CACNA2D1: variants seen among roughly 807,000 people sequenced by gnomAD.
CACNA2D1 encodes voltage-dependent calcium channel subunit alpha-2/delta-1.
CACNA2D1 carries 53 observed loss-of-function variants against 171.5 expected under a neutral mutation model. That is an observed-to-expected ratio of 0.31 (90% CI 0.25 to 0.39). CACNA2D1 has a LOEUF of 0.39. Among genes scored for constraint, CACNA2D1 ranks in the 10% least tolerant of loss-of-function variants. The pLI is 1.00. For synonymous variants in CACNA2D1, 442 were observed against 443.1 expected, an observed-to-expected ratio of 1.00 and a Z score of 0.03; for missense variants, 903 against 1,299.8, an observed-to-expected ratio of 0.69 and a Z score of 4.69.
At chr7:82,261,716 A>G (rs1484425792) in intron 3 of CACNA2D1, among the ~76,000 whole-genome samples, 1 of 152,082 alleles carries the variant, frequency 6.6e-6, no homozygotes, top group Non-Finnish European at 1.5e-5. Context: ...AAAAATTTGG[A>G]ATTTTTTTTT....
At chr7:82,240,356 T>C (rs1370225286) in intron 3 of CACNA2D1, among the ~76,000 whole-genome samples, 1 of 152,220 alleles carries the variant, frequency 6.6e-6, no homozygotes, top group Admixed American at 6.5e-5. Context: ...TTCTCCATTC[T>C]GCCATCATAG....
At chr7:82,176,680 A>G (rs918097433) in intron 3 of CACNA2D1, among the ~76,000 whole-genome samples, 11 of 151,746 alleles carry the variant, frequency 7.2e-5, no homozygotes, top group African/African-American at 2.4e-4. Flanking sequence ...AAATACCCTG[A>G]CTAGGGGGAA....
At chr7:82,116,007 A>G (rs992291485) in intron 6 of CACNA2D1, among the ~76,000 whole-genome samples, 10 of 152,222 alleles carry the variant, frequency 6.6e-5, no homozygotes, top group African/African-American at 2.4e-4. Flanking sequence ...TAAAATTTAA[A>G]TTTGGACACA....
chr7:81,975,467 G>A (rs901104721), intron 24 of CACNA2D1, among the ~76,000 whole-genome samples: 1 of 152,096 alleles, frequency 6.6e-6, no homozygotes, highest in Non-Finnish European at 1.5e-5. Context: ...CAGAAAATTT[G>A]TCCTCACAGA....
chr7:82,021,764 C>T (rs537055225), intron 12 of CACNA2D1, among the ~76,000 whole-genome samples: 57 of 151,920 alleles, frequency 3.8e-4, no homozygotes, highest in African/African-American at 1.3e-3. Flanking sequence ...AAAGAGGGTG[C>T]TGAAATAGAG....
At chr7:82,146,015 C>A (rs11976311) in intron 4 of CACNA2D1, among the ~76,000 whole-genome samples, 1 of 151,836 alleles carries the variant, frequency 6.6e-6, no homozygotes, top group Admixed American at 6.6e-5. Flanking sequence ...TTTTAGTCTG[C>A]TTATTTTTTC....
At chr7:82,433,049 G>A (rs1358534356) in intron 1 of CACNA2D1, among the ~76,000 whole-genome samples, 2 of 152,086 alleles carry the variant, frequency 1.3e-5, no homozygotes. Context: ...TTAGCCGGGT[G>A]TGGTGGCGTG....
intron 10 of CACNA2D1, among the ~76,000 whole-genome samples, chr7:82,038,447 T>A (rs1363868436): frequency 6.6e-6 from 1 of 152,190 alleles, no homozygotes; most frequent in African/African-American, 2.4e-5. Context: ...GTCTGCTGCT[T>A]ATATTCCCGA....
At chr7:82,411,401 A>T (rs1305331864) in intron 1 of CACNA2D1, among the ~76,000 whole-genome samples, 1 of 152,206 alleles carries the variant, frequency 6.6e-6, no homozygotes, top group Non-Finnish European at 1.5e-5. Flanking sequence ...TCCCTGTTTT[A>T]TAGAATTGAG....
At position 82,213,390 on chromosome 7, in the gene CACNA2D1, G is replaced by A. The variant is rs190114443; in HGVS notation, c.295-42781C>T. Among the ~76,000 whole-genome samples, 1,429 of 152,240 alleles carry A rather than the reference G, an allele frequency of 9.4e-3. 14 individuals carry two copies. Among genetic ancestry groups the A allele is most frequent in the Non-Finnish European group, 0.011 (740 of 68,016 alleles). ...ATCCCTTGGGTATATTCTTAAGGCT[G>A]ATATATCTAAGGTCAGACAAGGTCA... On this transcript the variant is annotated intron_variant, in intron 3 of 38. Transcript: ENST00000356860.
In CACNA2D1 at chr7:81,950,392, T is replaced by A; in HGVS notation, c.3276A>T (p.Ter1092CysextTer25). The A allele has an allele frequency of 6.2e-7, 1 of 1,613,144 alleles. No homozygotes were observed. The highest frequency in any genetic ancestry group is 8.5e-7 in the Non-Finnish European group (1 of 1,179,472). The change falls in exon 39 of 39, where the codon TGA becomes TGT. Residue 1092 changes from the stop codon to cysteine (C), a stop_lost. Coordinates refer to ENST00000356860, the MANE Select transcript of CACNA2D1 (RefSeq NM_000722.4). Reference protein sequence around the residue: ...LVSGSTHRLL* With the variant: ...LVSGSTHRLLC ...CTATGCAGATTTGGTTTTTAGAAGG[T>A]CATAACAGGCGGTGTGTGCTGCCAG... is the stretch of plus-strand genomic sequence containing the variant.
chr7:82,050,234 C>A (rs1035937062), intron 10 of CACNA2D1: 2 of 225,790 alleles, frequency 8.9e-6, no homozygotes, highest in African/African-American at 2.3e-5. Context: ...GTTAAACAAT[C>A]AAGTCAGGAA....
chr7:82,399,527 G>T (rs188093934), intron 1 of CACNA2D1, among the ~76,000 whole-genome samples: 1 of 151,852 alleles, frequency 6.6e-6, no homozygotes, highest in Non-Finnish European at 1.5e-5. Context: ...TAGAAAAAAA[G>T]TTCTTAACAA....
chr7:82,058,858 CAGAGAATTATATCACCTGTG>C (rs952788604), intron 10 of CACNA2D1, among the ~76,000 whole-genome samples: 19 of 152,210 alleles, frequency 1.2e-4, no homozygotes, highest in African/African-American at 4.6e-4. Context: ...GTTTATTCCC[CAGAGAATTATATCACCTGTG>C]AGAGTGTTTT....
At chr7:82,250,243 A>G (rs1440331985) in intron 3 of CACNA2D1, among the ~76,000 whole-genome samples, 1 of 152,234 alleles carries the variant, frequency 6.6e-6, no homozygotes, top group African/African-American at 2.4e-5. Flanking sequence ...TTTCAAACAT[A>G]AGAACTTTTG....
At chr7:82,066,001 T>G (rs1181275051) in intron 8 of CACNA2D1, among the ~76,000 whole-genome samples, 2 of 152,138 alleles carry the variant, frequency 1.3e-5, no homozygotes, top group Non-Finnish European at 2.9e-5. Context: ...GAGGAACAAA[T>G]AAGTCTTCAT....
At chr7:82,142,415 A>G (rs978659037) in intron 4 of CACNA2D1, among the ~76,000 whole-genome samples, 1 of 152,180 alleles carries the variant, frequency 6.6e-6, no homozygotes, top group African/African-American at 2.4e-5. Flanking sequence ...GTATATTGTG[A>G]GTGACAGCCC....
chr7:82,097,097 G>A (rs1405951881), intron 6 of CACNA2D1, among the ~76,000 whole-genome samples: 1 of 152,122 alleles, frequency 6.6e-6, no homozygotes, highest in East Asian at 1.9e-4. Context: ...AGAGGTAGTA[G>A]AAGGACCGCA....
At chr7:82,357,619 C>T (rs1820582451) in intron 1 of CACNA2D1, among the ~76,000 whole-genome samples, 1 of 149,234 alleles carries the variant, frequency 6.7e-6, no homozygotes, top group East Asian at 2.0e-4. Flanking sequence ...TTTCCATGCC[C>T]TTCCCAATTT....
Sources: allele counts gnomAD v4.1 joint callset (sites outside exome capture counted in the v4.1 genomes callset), GRCh38; gene constraint gnomAD v4.1.1; transcripts MANE v1.5; gene names NCBI Gene and HGNC (gene_info 2026-07-23, HGNC 2026-07-21).